Variants in SOX5 observed in about 807,000 individuals in gnomAD.
SOX5 encodes the protein transcription factor SOX-5.
SOX5 carries 9 observed loss-of-function variants against 92.0 expected under a neutral mutation model. The observed-to-expected ratio is 0.10, with a 90% CI of 0.06 to 0.17. The LOEUF (loss-of-function observed/expected upper bound fraction) is 0.17. Among genes scored for constraint, SOX5 ranks in the 10% least tolerant of loss-of-function variants. The pLI is 1.00. For missense variants in SOX5, 642 were observed against 944.5 expected, an observed-to-expected ratio of 0.68 and a Z score of 4.20; for synonymous variants, 344 against 336.3, an observed-to-expected ratio of 1.02 and a Z score of -0.25.
intron 3 of SOX5, among the ~76,000 whole-genome samples, chr12:24,256,132 G>A (rs1029131320): frequency 8.5e-5 from 13 of 152,174 alleles, no homozygotes; most frequent in African/African-American, 3.1e-4. Context: ...AAACTGATAA[G>A]CTATGCAAAC....
intron 2 of SOX5, among the ~76,000 whole-genome samples, chr12:24,332,208 C>T (rs993605126): frequency 3.3e-5 from 5 of 152,086 alleles, no homozygotes; most frequent in African/African-American, 1.2e-4. Context: ...AGATCCATAA[C>T]ACTTATAAAG....
chr12:23,561,654 C>T (rs115975843), intron 11 of SOX5, among the ~76,000 whole-genome samples: 266 of 152,178 alleles, frequency 1.7e-3, no homozygotes, highest in African/African-American at 6.2e-3. Flanking sequence ...TTTTAATGGG[C>T]TCCCTGATCC....
At chr12:24,556,955 G>A (rs556109734) in intron 1 of SOX5, among the ~76,000 whole-genome samples, 5 of 152,224 alleles carry the variant, frequency 3.3e-5, no homozygotes, top group South Asian at 4.2e-4. Context: ...ACCTAGACTC[G>A]ACTGGGAGAG....
At chr12:23,681,242 AT>A (rs1214474771) in intron 6 of SOX5, among the ~76,000 whole-genome samples, 1 of 151,950 alleles carries the variant, frequency 6.6e-6, no homozygotes, top group Admixed American at 6.6e-5. Context: ...GAAATGTTAA[AT>A]TTTCAAAGAA....
At chr12:24,444,878 C>T (rs1013722175) in intron 1 of SOX5, among the ~76,000 whole-genome samples, 4 of 152,176 alleles carry the variant, frequency 2.6e-5, no homozygotes, top group South Asian at 4.2e-4. Flanking sequence ...CTTCCTGAGC[C>T]TTGCATAAGC....
At chr12:24,287,468 C>T (rs1014271711) in intron 2 of SOX5, among the ~76,000 whole-genome samples, 19 of 152,224 alleles carry the variant, frequency 1.2e-4, no homozygotes, top group African/African-American at 4.3e-4. Flanking sequence ...TCAGCCAAGC[C>T]CTTCCACCAC....
chr12:24,021,472 A>C (rs1954277781), intron 4 of SOX5, among the ~76,000 whole-genome samples: 1 of 152,136 alleles, frequency 6.6e-6, no homozygotes. Context: ...AACGCTTTTC[A>C]CCTTGTCCAC....
intron 2 of SOX5, among the ~76,000 whole-genome samples, chr12:23,859,485 CTGTTTCCTGTTAAGA>C (rs774218316): frequency 2.3e-4 from 35 of 152,310 alleles, no homozygotes; most frequent in Non-Finnish European, 4.3e-4. Context: ...CTCTGGAACC[CTGTTTCCTGTTAAGA>C]TGTTTATCAG....
At chr12:23,975,522 A>G (rs1948803092) in intron 4 of SOX5, among the ~76,000 whole-genome samples, 1 of 152,086 alleles carries the variant, frequency 6.6e-6, no homozygotes, top group South Asian at 2.1e-4. Context: ...ACAAATCATT[A>G]GTTTGCATTC....
At chr12:23,925,648 T>C (rs1385364791) in intron 1 of SOX5, among the ~76,000 whole-genome samples, 2 of 152,090 alleles carry the variant, frequency 1.3e-5, no homozygotes, top group African/African-American at 4.8e-5. Context: ...CATTTTATTG[T>C]TTGAGGCTGA....
chr12:23,728,900 T>C (rs952381617), intron 6 of SOX5, among the ~76,000 whole-genome samples: 2 of 152,204 alleles, frequency 1.3e-5, no homozygotes, highest in African/African-American at 4.8e-5. Context: ...TACTTAGTTT[T>C]AGTTTACAAA....
rs34975795 is a variant in SOX5 at position 23,674,336 on chromosome 12, A to ATTTTTTTTT, written c.811-8781_811-8773dup. On this transcript the variant is annotated intron_variant, in intron 6 of 14. Coordinates refer to ENST00000451604, the MANE Select transcript of SOX5 (RefSeq NM_006940.6). ...AAATATTTTCTTACCATAAAAAGGA[A>ATTTTTTTTT]TTTTTTTTTTTTTTTTTTGAGACGG... Among the ~76,000 whole-genome samples, 504 of 97,338 alleles carry ATTTTTTTTT rather than the reference A, an allele frequency of 5.2e-3. 35 individuals are homozygous for ATTTTTTTTT. The highest frequency in any genetic ancestry group is 0.015 in the Middle Eastern group (2 of 130). The allele number at this position is 97,338 out of a possible 152,430, so 63.9% of individuals were successfully genotyped here. A position where few individuals can be genotyped will look rare whatever the true frequency, so the allele number is the denominator to read the frequency against.
rs147331254 is a variant in SOX5 at position 23,655,875 on chromosome 12, A to C, written c.931+9569T>G. 2.0e-3 allele frequency among the ~76,000 whole-genome samples: 311 copies of C among 152,254 alleles called. 3 individuals carry two copies. Among genetic ancestry groups the C allele is most frequent in the Non-Finnish European group, 3.8e-3 (257 of 67,996 alleles). On this transcript the variant is annotated intron_variant, in intron 7 of 14. Coordinates refer to ENST00000451604, the MANE Select transcript of SOX5 (RefSeq NM_006940.6). Reference sequence around the variant, plus strand: ...GTCTTGAATGGTCAGAGGCATAGTGACCTAGAATAGAAAAACTCTTGACAT... The same window carrying C: ...GTCTTGAATGGTCAGAGGCATAGTGCCCTAGAATAGAAAAACTCTTGACAT...
intron 8 of SOX5, among the ~76,000 whole-genome samples, chr12:23,611,949 T>G (rs1205304210): frequency 1.3e-5 from 2 of 152,044 alleles, no homozygotes; most frequent in African/African-American, 4.8e-5. Flanking sequence ...ACATTAAGAT[T>G]ACAACTGAAA....
intron 4 of SOX5, among the ~76,000 whole-genome samples, chr12:23,974,949 T>C (rs1948747061): frequency 1.3e-5 from 2 of 152,098 alleles, no homozygotes; most frequent in Non-Finnish European, 2.9e-5. Context: ...AAAAGCAGCC[T>C]GACAAAAAAG....
intron 1 of SOX5, among the ~76,000 whole-genome samples, chr12:24,476,962 A>G (rs527528205): frequency 6.8e-6 from 1 of 146,482 alleles, no homozygotes; most frequent in Non-Finnish European, 1.5e-5. Flanking sequence ...CAGGAGTTCA[A>G]GACCAGCCCA....
chr12:23,538,741 T>C (rs1941190026), intron 13 of SOX5, among the ~76,000 whole-genome samples: 1 of 151,666 alleles, frequency 6.6e-6, no homozygotes, highest in Admixed American at 6.6e-5. Flanking sequence ...ATGGTTGATC[T>C]AATATAAAAT....
At chr12:23,792,346 C>T (rs1337679384) in intron 3 of SOX5, among the ~76,000 whole-genome samples, 1 of 151,814 alleles carries the variant, frequency 6.6e-6, no homozygotes, top group African/African-American at 2.4e-5. Context: ...TCGGACAGGC[C>T]AGGCACAGTG....
chr12:24,046,057 C>A (rs1240310406), intron 4 of SOX5, among the ~76,000 whole-genome samples: 1 of 152,182 alleles, frequency 6.6e-6, no homozygotes, highest in Non-Finnish European at 1.5e-5. Flanking sequence ...AGTCCCTTGA[C>A]AGGAAATGAG....
Sources: gnomAD v4.1 joint callset for allele counts (sites outside exome capture counted in the v4.1 genomes callset) on GRCh38, gnomAD v4.1.1 for gene constraint, MANE v1.5 for transcripts, NCBI Gene and HGNC (gene_info 2026-07-23, HGNC 2026-07-21) for gene names.